The following ALS2 variants were observed in gnomAD, a reference collection of about 807,000 sequenced individuals.
ALS2 encodes alsin Rho guanine nucleotide exchange factor ALS2, also known as alsin.
A neutral mutation model predicts 203.4 loss-of-function variants in ALS2; 117 were observed. The observed-to-expected ratio is 0.58, with a 90% confidence interval of 0.50 to 0.67. ALS2 has a LOEUF of 0.67. ALS2 is among the 30% of genes least tolerant of loss of function. ALS2 has a pLI of 0.00. For missense variants in ALS2, 1,715 were observed against 1,989.4 expected (o/e 0.86, Z 2.62); for synonymous variants, 718 against 725.9 (o/e 0.99, Z 0.17).
intron 2 of ALS2, among the ~76,000 whole-genome samples, chr2:201,767,866 TAAA>T (rs35608860): frequency 1.7e-4 from 19 of 112,084 alleles, no homozygotes; most frequent in Admixed American, 3.7e-4. Context: ...AGACTCTGTC[TAAA>T]AAAAAAAAAA....
chr2:201,722,778 A>G lies in ALS2; in HGVS notation c.3702+265T>C. 6.4e-6 allele frequency: 3 copies of G among 466,812 alleles called. No homozygotes were observed. In the Admixed American group the frequency reaches 1.1e-4, roughly 18 times the overall value. The allele number at this position is 466,812 out of a possible 1,614,324, so 28.9% of individuals were successfully genotyped here. ...AGGCCCAAAAAAGGCAAATCTATAG[A>G]GTGATTAAGGGTGATTAGTGGTTGG... On this transcript the variant is annotated intron_variant, in intron 23 of 33. Coordinates refer to ENST00000264276, the MANE Select transcript of ALS2 (RefSeq NM_020919.4).
chr2:201,718,069 T>C lies in ALS2; in HGVS notation c.3836+8A>G, dbSNP rs756241498. 2 of 1,612,858 alleles carry C rather than the reference T, an allele frequency of 1.2e-6. No homozygotes were observed. The highest frequency in any genetic ancestry group is 1.7e-6 in the Non-Finnish European group (2 of 1,179,006). On this transcript the variant is annotated splice_region_variant and intron_variant, in intron 24 of 33. Coordinates refer to ENST00000264276, the MANE Select transcript of ALS2 (RefSeq NM_020919.4). ...ATAATTAATCCAGAATTAACACTAG[T>C]TACTCACAAAACTTTAGGTCTGTCT...
At position 201,723,324 on chromosome 2, in the gene ALS2, A is replaced by G. The variant is rs886823785; in HGVS notation, c.3624+6T>C. ...AGTAATAACTACATGCAAATATTCC[A>G]CTCACCATCATTTTATTAAGGTGAA... On this transcript the variant is annotated splice_donor_region_variant and intron_variant, in intron 22 of 33. Coordinates refer to ENST00000264276, the MANE Select transcript of ALS2 (RefSeq NM_020919.4). 1.2e-5 allele frequency: 19 copies of G among 1,589,422 alleles called. No individual in the cohort carries two copies. The highest frequency in any genetic ancestry group is 1.5e-5 in the Non-Finnish European group (17 of 1,157,540).
Position 201,757,314 on chromosome 2 carries a change from G to T in ALS2, c.1471+88C>A, listed in dbSNP as rs1398245563. 2.8e-6 allele frequency: 3 copies of T among 1,084,090 alleles called. No homozygotes were observed. In the Admixed American group the frequency reaches 5.3e-5, roughly 19 times the overall value. The allele number at this position is 1,084,090 out of a possible 1,614,324, so 67.2% of individuals were successfully genotyped here. A position where few individuals can be genotyped will look rare whatever the true frequency, so the allele number is the denominator to read the frequency against. On this transcript the variant is annotated intron_variant, in intron 5 of 33. Transcript: ENST00000264276. ...TTGAATATGTCAGCTTCATAATTAG[G>T]ACAGCTTTTTTAATAATACAGCATG...
chr2:201,720,224 C>T (rs76870514), intron 23 of ALS2: 3 of 363,752 alleles, frequency 8.2e-6, no homozygotes, highest in South Asian at 2.0e-5. Context: ...ACAAAATATT[C>T]GCATTAAATC....
At chr2:201,757,271 TTAAA>T (rs1693456851) in intron 5 of ALS2, 127 bp downstream of exon 5, 3 of 798,202 alleles carry the variant, frequency 3.8e-6, no homozygotes, top group Non-Finnish European at 6.3e-6. Context: ...AAAACCACCA[TTAAA>T]TAAATATTCA....
At position 201,750,829 on chromosome 2, in the gene ALS2, C is replaced by A. The variant is rs1425107882; in HGVS notation, c.1738-1040G>T. ...TGCATATACTTTAACAAATTACGTA[C>A]TGAATTAAGTTCTTTCCAATTCCTT... On this transcript the variant is annotated intron_variant, in intron 7 of 33. Coordinates refer to ENST00000264276, the MANE Select transcript of ALS2 (RefSeq NM_020919.4). Among the ~76,000 whole-genome samples the A allele has an allele frequency of 9.2e-5, 14 of 151,410 alleles. No individual in the cohort carries two copies. In the East Asian group the frequency reaches 2.5e-3, roughly 27 times the overall value.
chr2:201,728,757 T>G, intron 14 of ALS2, 117 bp from the exon 15 acceptor site: 2 of 1,289,080 alleles, frequency 1.6e-6, no homozygotes, highest in East Asian at 4.9e-5. Context: ...GTAGCTTAGC[T>G]TGGTGTAAAA....
chr2:201,722,829 T>C (rs1690893532), intron 23 of ALS2: 1 of 560,992 alleles, frequency 1.8e-6, no homozygotes, highest in African/African-American at 1.9e-5. Flanking sequence ...GAAATGGAAG[T>C]CACTGAATGA....
Position 201,705,174 on chromosome 2 carries a change from A to G in ALS2, c.4653T>C (p.Cys1551=). 1 of 1,614,140 alleles carries G rather than the reference A, an allele frequency of 6.2e-7. No homozygotes were observed. The highest frequency in any genetic ancestry group is 1.1e-5 in the South Asian group (1 of 91,082). Residue 1551 remains cysteine, a synonymous_variant, in exon 31 of 34, where the codon TGT becomes TGC. Transcript: ENST00000264276. ...KKVLPTTKDA[C]FASAVECLQQ... Reference sequence around the variant, plus strand: ...GCAGACATTCTACTGCTGAGGCAAAACAAGCATCTTTCGTGGTTGGCAAAA... The same window carrying G: ...GCAGACATTCTACTGCTGAGGCAAAGCAAGCATCTTTCGTGGTTGGCAAAA...
chr2:201,716,178 C>A (rs1208572161), intron 24 of ALS2, among the ~76,000 whole-genome samples: 1 of 151,932 alleles, frequency 6.6e-6, no homozygotes, highest in Non-Finnish European at 1.5e-5. Flanking sequence ...GAGGCCAAGG[C>A]AGGTGGAACA....
chr2:201,770,542 T>C (rs1694329018), intron 1 of ALS2, among the ~76,000 whole-genome samples: 2 of 152,130 alleles, frequency 1.3e-5, no homozygotes, highest in African/African-American at 4.8e-5. Flanking sequence ...CAAATAACGG[T>C]CTCCAAAGGC....
intron 5 of ALS2, among the ~76,000 whole-genome samples, chr2:201,754,900 C>G (rs943020692): frequency 2.0e-5 from 3 of 152,174 alleles, no homozygotes; most frequent in African/African-American, 7.2e-5. Flanking sequence ...TTCACACACA[C>G]ATTAGCACAC....
chr2:201,760,290 G>A, intron 4 of ALS2: 3 of 953,230 alleles, frequency 3.1e-6, no homozygotes, highest in Non-Finnish European at 3.7e-6. Flanking sequence ...CAGCCTGGGT[G>A]ACAGAGCAAG....
At position 201,720,307 on chromosome 2, in the gene ALS2, T is replaced by C. The variant is rs377331952; in HGVS notation, c.3703-2097A>G. On this transcript the variant is annotated intron_variant, in intron 23 of 33. Coordinates refer to ENST00000264276, the MANE Select transcript of ALS2 (RefSeq NM_020919.4). ...ATTCATCCCAGGAAAGCAAGGTTGG[T>C]TTAACATCAGACAAGCAACCAATAT... 9.9e-5 allele frequency among the ~76,000 whole-genome samples: 15 copies of C among 152,112 alleles called. No individual in the cohort carries two copies. In the South Asian group the frequency reaches 1.9e-3, roughly 19 times the overall value.
chr2:201,762,370 A>G (rs921858815), intron 3 of ALS2, among the ~76,000 whole-genome samples: 2 of 152,248 alleles, frequency 1.3e-5, no homozygotes, highest in African/African-American at 4.8e-5. Context: ...TCTTAACAAG[A>G]CATGGCTGTC....
intron 11 of ALS2, 101 bp downstream of exon 11, chr2:201,741,573 T>C: frequency 8.1e-7 from 1 of 1,230,460 alleles, no homozygotes. Flanking sequence ...TCTATTACCT[T>C]ATATCACTCT....
intron 3 of ALS2, chr2:201,763,258 T>G (rs1404158763): frequency 5.5e-6 from 1 of 181,900 alleles, no homozygotes; most frequent in Non-Finnish European, 1.2e-5. Flanking sequence ...CAGACTGCTG[T>G]GGCTTTGTGC....
intron 3 of ALS2, chr2:201,763,336 G>A: frequency 5.3e-6 from 1 of 190,002 alleles, no homozygotes; most frequent in Non-Finnish European, 1.1e-5. Context: ...AGAAGCTGCT[G>A]ATGATGGCCA....
Sources: allele counts gnomAD v4.1 joint callset (sites outside exome capture counted in the v4.1 genomes callset), GRCh38; gene constraint gnomAD v4.1.1; transcripts MANE v1.5; gene names NCBI Gene and HGNC (gene_info 2026-07-23, HGNC 2026-07-21).